COL25A1: variants seen among roughly 807,000 people sequenced by gnomAD.
COL25A1 encodes collagen alpha-1(XXV) chain.
Under a neutral mutation model 128.4 loss-of-function variants are expected in COL25A1, and 103 were observed. That is an observed-to-expected ratio of 0.80 (90% CI 0.68 to 0.94). The LOEUF is 0.94. COL25A1 is among the 40% of genes least tolerant of loss of function. The probability of loss-of-function intolerance (pLI) is 0.00; values close to 1 mark genes in which losing one functional copy is unlikely to be tolerated. For missense variants in COL25A1, 745 were observed against 840.0 expected (o/e 0.89, Z 1.40); for synonymous variants, 279 against 277.2 (o/e 1.01, Z -0.06).
chr4:108,828,813 T>C (rs1032482282), intron 32 of COL25A1, among the ~76,000 whole-genome samples: 1 of 152,200 alleles, frequency 6.6e-6, no homozygotes, highest in Non-Finnish European at 1.5e-5. Context: ...AAATCTTTTT[T>C]CTTGGCAAAA....
chr4:109,243,878 A>G (rs557525337), intron 3 of COL25A1, among the ~76,000 whole-genome samples: 1 of 152,196 alleles, frequency 6.6e-6, no homozygotes, highest in East Asian at 1.9e-4. Flanking sequence ...TACCTATAAA[A>G]TCTATGTTTT....
intron 14 of COL25A1, among the ~76,000 whole-genome samples, chr4:108,900,504 C>T (rs973352327): frequency 6.6e-6 from 1 of 152,114 alleles, no homozygotes; most frequent in African/African-American, 2.4e-5. Context: ...GATTTGGCTG[C>T]CTGCTTGATT....
chr4:108,928,466 T>C (rs1055539157), intron 11 of COL25A1, among the ~76,000 whole-genome samples: 11 of 152,148 alleles, frequency 7.2e-5, no homozygotes, highest in Admixed American at 5.2e-4. Flanking sequence ...ACCTGAAATG[T>C]GGCCAGTACA....
At chr4:108,923,042 C>T (rs1267398247) in intron 11 of COL25A1, among the ~76,000 whole-genome samples, 2 of 152,050 alleles carry the variant, frequency 1.3e-5, no homozygotes, top group East Asian at 1.9e-4. Flanking sequence ...CACACGTGTG[C>T]GCATGCATGC....
intron 8 of COL25A1, among the ~76,000 whole-genome samples, chr4:108,945,585 G>T (rs770623902): frequency 9.9e-5 from 15 of 152,204 alleles, no homozygotes; most frequent in Non-Finnish European, 1.8e-4. Flanking sequence ...TGGTTTGAGT[G>T]GGTGTGGAAA....
At chr4:108,988,373 A>G (rs973465600) in intron 6 of COL25A1, among the ~76,000 whole-genome samples, 1 of 152,240 alleles carries the variant, frequency 6.6e-6, no homozygotes, top group Non-Finnish European at 1.5e-5. Flanking sequence ...AAAAAGACAC[A>G]GATATCTGTG....
At chr4:108,913,801 G>A (rs938886872) in intron 13 of COL25A1, among the ~76,000 whole-genome samples, 6 of 152,188 alleles carry the variant, frequency 3.9e-5, no homozygotes, top group East Asian at 3.9e-4. Context: ...CTATAAACAT[G>A]GTTCTACTAT....
At chr4:108,864,200 T>C (rs1737605870) in intron 20 of COL25A1, among the ~76,000 whole-genome samples, 1 of 152,234 alleles carries the variant, frequency 6.6e-6, no homozygotes, top group Non-Finnish European at 1.5e-5. Context: ...AATAGCTATG[T>C]TGGTAAATAG....
At chr4:108,995,650 C>A (rs937012028) in intron 6 of COL25A1, among the ~76,000 whole-genome samples, 2 of 152,126 alleles carry the variant, frequency 1.3e-5, no homozygotes, top group African/African-American at 4.8e-5. Flanking sequence ...AAGAGCAACT[C>A]CAAGACACCT....
chr4:108,862,750 T>C (rs1192788845), intron 21 of COL25A1, among the ~76,000 whole-genome samples: 1 of 152,212 alleles, frequency 6.6e-6, no homozygotes, highest in Non-Finnish European at 1.5e-5. Context: ...ATTCCATTAT[T>C]ATTTTGAAGG....
intron 11 of COL25A1, among the ~76,000 whole-genome samples, chr4:108,932,506 GTAT>G (rs1482360973): frequency 3.3e-5 from 5 of 152,098 alleles, no homozygotes; most frequent in African/African-American, 1.2e-4. Flanking sequence ...AACACTTTAA[GTAT>G]TCTTATAATT....
chr4:108,866,330 C>G (rs772003464), intron 20 of COL25A1, among the ~76,000 whole-genome samples: 1 of 151,850 alleles, frequency 6.6e-6, no homozygotes, highest in Non-Finnish European at 1.5e-5. Flanking sequence ...GTAGCTGGGA[C>G]TACAGGCATG....
intron 3 of COL25A1, among the ~76,000 whole-genome samples, chr4:109,216,585 A>G (rs978979478): frequency 6.6e-6 from 1 of 152,174 alleles, no homozygotes; most frequent in Non-Finnish European, 1.5e-5. Context: ...GAGGACAGCC[A>G]TGTGAAGACA....
intron 3 of COL25A1, among the ~76,000 whole-genome samples, chr4:109,116,350 T>C (rs1767557765): frequency 6.6e-6 from 1 of 152,070 alleles, no homozygotes; most frequent in African/African-American, 2.4e-5. Context: ...TCACAGAGCA[T>C]AGCCTGTTGC....
At chr4:109,053,341 C>T (rs139876622) in intron 3 of COL25A1, among the ~76,000 whole-genome samples, 383 of 152,288 alleles carry the variant, frequency 2.5e-3, no homozygotes, top group African/African-American at 8.6e-3. Context: ...AGACAGACCC[C>T]GTTCATCAAA....
chr4:109,058,626 A>G (rs978655524), intron 3 of COL25A1, among the ~76,000 whole-genome samples: 2 of 152,246 alleles, frequency 1.3e-5, no homozygotes, highest in African/African-American at 4.8e-5. Context: ...AGATTGAAAT[A>G]ATCTTCATGG....
chr4:108,836,256 G>A (rs1178389335), intron 31 of COL25A1, among the ~76,000 whole-genome samples: 1 of 152,138 alleles, frequency 6.6e-6, no homozygotes, highest in African/African-American at 2.4e-5. Context: ...ACAGCTGTTA[G>A]CTAAATGTTG....
intron 20 of COL25A1, 66 bp from the exon 21 acceptor site, chr4:108,863,453 T>C: frequency 4.4e-6 from 6 of 1,357,764 alleles, no homozygotes; most frequent in Non-Finnish European, 5.1e-6. Flanking sequence ...TGTAGATTAA[T>C]AAATGAGTTG....
intron 8 of COL25A1, among the ~76,000 whole-genome samples, chr4:108,942,543 A>T (rs1199164320): frequency 6.6e-6 from 1 of 151,814 alleles, no homozygotes; most frequent in African/African-American, 2.4e-5. Flanking sequence ...TCCCAGGTTC[A>T]GGCAATTCTC....
Sources: allele counts gnomAD v4.1 joint callset (sites outside exome capture counted in the v4.1 genomes callset), GRCh38; gene constraint gnomAD v4.1.1; transcripts MANE v1.5; gene names NCBI Gene and HGNC (gene_info 2026-07-23, HGNC 2026-07-21).